KRT83: variants seen among roughly 807,000 people sequenced by gnomAD.
The protein encoded by KRT83 is keratin, type II cuticular Hb3.
KRT83 carries 51 observed loss-of-function variants against 52.9 expected under a neutral mutation model. The ratio of observed to expected loss-of-function variants is 0.96; its 90% CI spans 0.77 to 1.22. The LOEUF is 1.22. KRT83 is among the 50% of genes most tolerant of loss of function. The pLI, the probability that KRT83 is intolerant of heterozygous loss-of-function variation, is 0.00. For synonymous variants in KRT83, 278 were observed against 274.1 expected (o/e 1.01, Z -0.14); for missense variants, 654 against 666.5 (o/e 0.98, Z 0.21).
At chr12:52,315,857 A>G (rs1439971836) in intron 7 of KRT83, 36 bp downstream of exon 7, 1 of 1,612,046 alleles carries the variant, frequency 6.2e-7, no homozygotes, top group Non-Finnish European at 8.5e-7. Context: ...GGGCAGGTCT[A>G]TGCAAGTGGA....
chr12:52,318,079 C>T (rs1228363635), intron 2 of KRT83, 109 bp from the exon 3 acceptor site: 17 of 1,017,474 alleles, frequency 1.7e-5, no homozygotes, highest in Non-Finnish European at 2.6e-5. Flanking sequence ...TTGTCTCCTG[C>T]CCCCAAGTGA....
chr12:52,320,194 G>A (rs952320098), intron 1 of KRT83, among the ~76,000 whole-genome samples: 1 of 152,116 alleles, frequency 6.6e-6, no homozygotes, highest in Admixed American at 6.5e-5. Context: ...TTTCTGGTGG[G>A]CATCTCTCTA....
chr12:52,319,451 C>T, intron 1 of KRT83, 87 bp from the exon 2 acceptor site: 1 of 1,567,666 alleles, frequency 6.4e-7, no homozygotes, highest in Admixed American at 1.8e-5. Flanking sequence ...CTGAAAGCCC[C>T]CAACTCTCTG....
chr12:52,316,767 T>A (rs1016320812), intron 5 of KRT83, 92 bp downstream of exon 5: 8 of 1,607,974 alleles, frequency 5.0e-6, no homozygotes, highest in Non-Finnish European at 6.8e-6. Context: ...TCCTTAGGGA[T>A]CAGAATCCCT....
At position 52,321,342 on chromosome 12, in the gene KRT83, G is replaced by A; in HGVS notation, c.-7C>T. On this transcript the variant is annotated 5_prime_UTR_variant, in exon 1 of 9. Coordinates refer to ENST00000293670, the MANE Select transcript of KRT83 (RefSeq NM_002282.3). Reference sequence around the variant, plus strand: ...AGTTGAAGCCACAGGTCATGACGGAGGTTAGGAGGTGTCTGAACAGTGGAG... The same window carrying A: ...AGTTGAAGCCACAGGTCATGACGGAAGTTAGGAGGTGTCTGAACAGTGGAG... 1 of 1,613,708 alleles carries A rather than the reference G, an allele frequency of 6.2e-7. No homozygotes were observed. Among genetic ancestry groups the A allele is most frequent in the Non-Finnish European group, 8.5e-7 (1 of 1,180,014 alleles).
At chr12:52,316,322 CA>C (rs1938686763) in intron 6 of KRT83, 145 bp downstream of exon 6, 1 of 1,316,050 alleles carries the variant, frequency 7.6e-7, no homozygotes. Context: ...CCAAGACAAT[CA>C]GAAATATTTC....
intron 2 of KRT83, 115 bp downstream of exon 2, chr12:52,319,041 G>C (rs561370538): frequency 1.7e-5 from 26 of 1,503,498 alleles, no homozygotes; most frequent in South Asian, 4.5e-5. Flanking sequence ...AGGGGGTACA[G>C]GTTCTTCTCC....
At position 52,319,053 on chromosome 12, in the gene KRT83, C is replaced by G. The variant is rs565714198; in HGVS notation, c.593+103G>C. 7 of 1,563,516 alleles carry G rather than the reference C, an allele frequency of 4.5e-6. No individual in the cohort carries two copies. In the African/African-American group the frequency reaches 9.5e-5, roughly 21 times the overall value. On this transcript the variant is annotated intron_variant, in intron 2 of 8. Transcript: ENST00000293670. Reference sequence around the variant, plus strand: ...AACAGGGGGTACAGGTTCTTCTCCACTCTCAGGCAGAGATGCCAGCTGCAG... The same window carrying G: ...AACAGGGGGTACAGGTTCTTCTCCAGTCTCAGGCAGAGATGCCAGCTGCAG...
In KRT83 at chr12:52,319,204, G is replaced by A. The variant is rs776991198; in HGVS notation, c.545C>T (p.Ala182Val). The change falls in exon 2 of 9, where the codon GCC becomes GTC. Residue 182 changes from alanine to valine, a missense_variant. Transcript: ENST00000293670. ...CTCCTGCACGTGGTTGAGCTCTGAG[G>A]CCAGCCTCCCACTGTCAGCCTCCAC... ...ECVEADSGRL[A>V]SELNHVQEVL... 3.7e-6 allele frequency: 6 copies of A among 1,613,580 alleles called. No individual in the cohort carries two copies. The highest frequency in any genetic ancestry group is 5.1e-6 in the Non-Finnish European group (6 of 1,179,880).
In KRT83 at chr12:52,321,048, G is replaced by A; in HGVS notation, c.288C>T (p.Leu96=). 1 of 1,612,726 alleles carries A rather than the reference G, an allele frequency of 6.2e-7. No individual in the cohort carries two copies. Among genetic ancestry groups the A allele is most frequent in the Non-Finnish European group, 8.5e-7 (1 of 1,179,868 alleles). ...GCGCGTTGGGGTCTATCTCCAGGTT[G>A]AGGGGCGTGAGGAGGCTCTCGTTGA... ...VSVNESLLTP[L]NLEIDPNAQC... The change falls in exon 1 of 9, where the codon CTC becomes CTT. Residue 96 remains leucine (L), a synonymous_variant. Transcript: ENST00000293670.
intron 6 of KRT83, 44 bp downstream of exon 6, chr12:52,316,423 AC>A: frequency 6.2e-7 from 1 of 1,613,618 alleles, no homozygotes; most frequent in Non-Finnish European, 8.5e-7. Context: ...CCGAGGGCTA[AC>A]CCCAGTCTCT....
rs1158262420 is a variant in KRT83 at position 52,321,381 on chromosome 12, A to G, written c.-46T>C. The stretch of plus-strand genomic sequence containing the variant: ...TGAACAGTGGAGTAGATGGCAGAGG[A>G]TGGAACCAAGGGCCTGTGCTCCCTG... On this transcript the variant is annotated 5_prime_UTR_variant, in exon 1 of 9. Transcript: ENST00000293670. 3 of 1,612,872 alleles carry G rather than the reference A, an allele frequency of 1.9e-6. No individual in the cohort carries two copies. The highest frequency in any genetic ancestry group is 2.7e-5 in the African/African-American group (2 of 74,926).
rs1289131593 is a variant in KRT83, at chr12:52,320,977, C to T, written c.359G>A (p.Ser120Asn). The T allele has an allele frequency of 6.2e-7, 1 of 1,613,864 alleles. No individual in the cohort carries two copies. The highest frequency in any genetic ancestry group is 1.1e-5 in the South Asian group (1 of 91,066). ...EEKEQIKSLNSRFAAFIDKVR... is the reference protein window; with the variant it reads ...EEKEQIKSLNNRFAAFIDKVR... Reference sequence around the variant, plus strand: ...CTTGTCGATGAAGGCCGCGAATCTGCTGTTGAGGGACTTGATCTGCTCCTT... The same window carrying T: ...CTTGTCGATGAAGGCCGCGAATCTGTTGTTGAGGGACTTGATCTGCTCCTT... The change falls in exon 1 of 9, where the codon AGC (serine) becomes AAC (asparagine). Residue 120 changes from serine (S) to asparagine (N), a missense_variant. By Grantham distance (46) the Ser-to-Asn change is conservative. Coordinates refer to ENST00000293670, the MANE Select transcript of KRT83 (RefSeq NM_002282.3).
chr12:52,314,371 C>T lies in KRT83; in HGVS notation c.*260G>A, dbSNP rs1372880469. 2.3e-5 allele frequency: 13 copies of T among 566,656 alleles called. No homozygotes were observed. 35.1% of individuals were successfully genotyped at this position (566,656 alleles called of 1,614,324 possible). ...AGGCAGGGGGAACAGTCTCACAGTG[C>T]TTCTTCCAGGGAAGCAAGGCCCTTC... On this transcript the variant is annotated 3_prime_UTR_variant, in exon 9 of 9. Coordinates refer to ENST00000293670, the MANE Select transcript of KRT83 (RefSeq NM_002282.3).
chr12:52,317,442 G>T (rs963923299), intron 4 of KRT83, among the ~76,000 whole-genome samples: 32 of 152,302 alleles, frequency 2.1e-4, no homozygotes, highest in African/African-American at 7.0e-4. Context: ...TGCAGGGCAG[G>T]TTCCCAAGGC....
chr12:52,316,813 C>G (rs1384876424), intron 5 of KRT83, 46 bp downstream of exon 5: 1 of 1,614,022 alleles, frequency 6.2e-7, no homozygotes, highest in South Asian at 1.1e-5. Context: ...TACCTCACAT[C>G]CCTCCCACTG....
rs1938736911 is a variant in KRT83 at position 52,319,346 on chromosome 12, G to A, written c.403C>T (p.Gln135Ter). 1 of 1,613,904 alleles carries A rather than the reference G, an allele frequency of 6.2e-7. No homozygotes were observed. The highest frequency in any genetic ancestry group is 1.1e-5 in the South Asian group (1 of 91,084). Reference sequence around the variant, plus strand: ...AGCTTTGTCTCCAGCAGCTTGTTCTGCTGCTCCAGGAAGCGCACCTGCCAC... The same window carrying A: ...AGCTTTGTCTCCAGCAGCTTGTTCTACTGCTCCAGGAAGCGCACCTGCCAC... ...FIDKVRFLEQ[Q>*]NKLLETKLQF... Residue 135 changes from glutamine to a stop codon, truncating the protein, a stop_gained, in exon 2 of 9, where the codon CAG becomes TAG. Coordinates refer to ENST00000293670, the MANE Select transcript of KRT83 (RefSeq NM_002282.3). LOFTEE classifies it high-confidence loss of function.
intron 2 of KRT83, 98 bp from the exon 3 acceptor site, chr12:52,318,068 C>A (rs970196981): frequency 2.2e-5 from 25 of 1,113,652 alleles, no homozygotes; most frequent in Non-Finnish European, 3.1e-5. Context: ...CCTCCCCCTG[C>A]TTGTCTCCTG....
In KRT83 at chr12:52,321,318, G is replaced by C; in HGVS notation, c.18C>G (p.Asn6Lys). 6.2e-7 allele frequency: 1 copy of C among 1,613,750 alleles called. No homozygotes were observed. ...CAGGGCGGAACCCACAGCCTATGGAGTTGAAGCCACAGGTCATGACGGAGG... is the reference window on the plus strand; with the variant it reads ...CAGGGCGGAACCCACAGCCTATGGACTTGAAGCCACAGGTCATGACGGAGG... Reference protein sequence around the residue: MTCGFNSIGCGFRPGN... With the variant: MTCGFKSIGCGFRPGN... Residue 6 changes from asparagine to lysine, a missense_variant, in exon 1 of 9, where the codon AAC becomes AAG. Transcript: ENST00000293670.
Sources: allele counts gnomAD v4.1 joint callset (sites outside exome capture counted in the v4.1 genomes callset), GRCh38; gene constraint gnomAD v4.1.1; transcripts MANE v1.5; gene names NCBI Gene and HGNC (gene_info 2026-07-23, HGNC 2026-07-21).